SPAG16: variants seen among roughly 807,000 people sequenced by gnomAD.
The protein encoded by SPAG16 is sperm-associated antigen 16 protein.
SPAG16 carries 86 observed loss-of-function variants against 80.4 expected under a neutral mutation model. The ratio of observed to expected loss-of-function variants is 1.07; its 90% confidence interval spans 0.90 to 1.28. The LOEUF (loss-of-function observed/expected upper bound fraction) is 1.28, where lower values mean the gene tolerates loss of function less well. Ranked by LOEUF, SPAG16 falls within the 50% of genes most tolerant of loss-of-function variation. The probability of loss-of-function intolerance (pLI) is 0.00; values close to 1 mark genes in which losing one functional copy is unlikely to be tolerated. For synonymous variants in SPAG16, 294 were observed against 265.9 expected, an observed-to-expected ratio of 1.11 and a Z score of -1.03; for missense variants, 870 against 765.3, an observed-to-expected ratio of 1.14 and a Z score of -1.61.
At chr2:214,081,310 A>T (rs1401500967) in intron 13 of SPAG16, among the ~76,000 whole-genome samples, 1 of 152,118 alleles carries the variant, frequency 6.6e-6, no homozygotes, top group Non-Finnish European at 1.5e-5. Flanking sequence ...CCCCCAAAAG[A>T]TATGTTCAAA....
intron 15 of SPAG16, among the ~76,000 whole-genome samples, chr2:214,330,155 T>C (rs2126010254): frequency 6.7e-6 from 1 of 150,326 alleles, no homozygotes; most frequent in South Asian, 2.1e-4. Context: ...CGGGTGCCTG[T>C]AATTCCAGCT....
chr2:213,707,683 T>G (rs1230880125), intron 10 of SPAG16, among the ~76,000 whole-genome samples: 2 of 151,998 alleles, frequency 1.3e-5, no homozygotes, highest in African/African-American at 4.8e-5. Flanking sequence ...GAATGAATGA[T>G]TCAATAAATG....
At chr2:213,968,800 A>G (rs1245549943) in intron 12 of SPAG16, among the ~76,000 whole-genome samples, 2 of 152,230 alleles carry the variant, frequency 1.3e-5, no homozygotes, top group South Asian at 2.1e-4. Flanking sequence ...CTTGATAAAA[A>G]CATGAAGTAA....
At chr2:213,457,691 A>G (rs1451123325) in intron 9 of SPAG16, among the ~76,000 whole-genome samples, 3 of 152,010 alleles carry the variant, frequency 2.0e-5, no homozygotes, top group African/African-American at 4.8e-5. Flanking sequence ...TGCTTTCACT[A>G]TTTTTAATCT....
At chr2:213,896,395 T>C (rs891846595) in intron 11 of SPAG16, among the ~76,000 whole-genome samples, 1 of 150,178 alleles carries the variant, frequency 6.7e-6, no homozygotes, top group African/African-American at 2.4e-5. Context: ...TGGAGATACC[T>C]AAAAAAAAAT....
Position 213,966,014 on chromosome 2 carries a change from T to G in SPAG16, c.1400+35869T>G, listed in dbSNP as rs371202311. Among the ~76,000 whole-genome samples the G allele has an allele frequency of 3.9e-5, 6 of 152,168 alleles. No individual in the cohort carries two copies. The East Asian group carries it at 9.6e-4, about 24-fold the overall frequency. ...CAGAGTATAGGTTCTGTCCTACAAT[T>G]AAGGTTAGATGGAGAAAGGAAGCCT... On this transcript the variant is annotated intron_variant, in intron 12 of 15. Transcript: ENST00000331683.
chr2:214,345,161 A>C (rs1343215752), intron 15 of SPAG16, among the ~76,000 whole-genome samples: 1 of 152,076 alleles, frequency 6.6e-6, no homozygotes, highest in Non-Finnish European at 1.5e-5. Flanking sequence ...CAGTCTTCCT[A>C]AATGCTTCTA....
chr2:213,758,658 G>T (rs960951163), intron 10 of SPAG16, among the ~76,000 whole-genome samples: 3 of 152,052 alleles, frequency 2.0e-5, no homozygotes, highest in Admixed American at 6.6e-5. Context: ...GAAGGAAAAA[G>T]AATTGAAAAA....
intron 10 of SPAG16, among the ~76,000 whole-genome samples, chr2:213,498,534 C>G (rs1210253574): frequency 6.6e-6 from 1 of 151,982 alleles, no homozygotes; most frequent in Non-Finnish European, 1.5e-5. Context: ...ACATATAAAA[C>G]AATATTGATG....
chr2:214,010,311 T>G (rs1389510838), intron 12 of SPAG16, among the ~76,000 whole-genome samples: 1 of 145,800 alleles, frequency 6.9e-6, no homozygotes, highest in Non-Finnish European at 1.5e-5. Context: ...GAGAAAATAT[T>G]AAACGTAAAG....
At chr2:213,677,297 G>A (rs142896983) in intron 10 of SPAG16, among the ~76,000 whole-genome samples, 7,411 of 152,056 alleles carry the variant, frequency 0.049, 589 homozygotes, top group African/African-American at 0.17. Flanking sequence ...TGGACTAAAT[G>A]CTCCAATTAA....
chr2:213,483,271 T>G (rs1047449640), intron 9 of SPAG16, among the ~76,000 whole-genome samples: 1 of 152,172 alleles, frequency 6.6e-6, no homozygotes, highest in Non-Finnish European at 1.5e-5. Context: ...TATATGTAGA[T>G]CTTAGCAAAT....
intron 15 of SPAG16, among the ~76,000 whole-genome samples, chr2:214,174,820 C>G (rs1029537912): frequency 1.6e-4 from 25 of 151,674 alleles, no homozygotes; most frequent in African/African-American, 6.0e-4. Context: ...TTCTTCATCA[C>G]TTTTGCACGA....
chr2:213,904,635 G>A (rs2077363408), intron 11 of SPAG16, among the ~76,000 whole-genome samples: 1 of 149,168 alleles, frequency 6.7e-6, no homozygotes, highest in South Asian at 2.1e-4. Flanking sequence ...AGTAGGTAAA[G>A]GGCATAGTGT....
intron 15 of SPAG16, among the ~76,000 whole-genome samples, chr2:214,255,874 C>T (rs1217120193): frequency 1.3e-5 from 2 of 151,856 alleles, no homozygotes; most frequent in Admixed American, 6.6e-5. Context: ...TTAATGTGGG[C>T]ATGAGGTGTT....
chr2:214,351,906 A>G (rs537214082), intron 15 of SPAG16, among the ~76,000 whole-genome samples: 5 of 152,294 alleles, frequency 3.3e-5, no homozygotes, highest in Admixed American at 1.3e-4. Context: ...ATAACAAAAT[A>G]CCATACACTG....
chr2:213,874,706 A>C (rs1174840223), intron 11 of SPAG16, among the ~76,000 whole-genome samples: 2 of 152,156 alleles, frequency 1.3e-5, no homozygotes, highest in Non-Finnish European at 2.9e-5. Flanking sequence ...ACCATATCAT[A>C]TATGCAGTCC....
chr2:214,102,697 A>C (rs2053132870), intron 13 of SPAG16, among the ~76,000 whole-genome samples: 1 of 152,162 alleles, frequency 6.6e-6, no homozygotes, highest in Non-Finnish European at 1.5e-5. Context: ...ACCGACGGCA[A>C]ATCCATAGGT....
chr2:213,988,929 A>G (rs1489249803), intron 12 of SPAG16, among the ~76,000 whole-genome samples: 2 of 152,112 alleles, frequency 1.3e-5, no homozygotes, highest in Non-Finnish European at 2.9e-5. Flanking sequence ...TTTTGTAGAG[A>G]TGGACAAATA....
Sources: allele counts gnomAD v4.1 joint callset (sites outside exome capture counted in the v4.1 genomes callset), GRCh38; gene constraint gnomAD v4.1.1; transcripts MANE v1.5; gene names NCBI Gene and HGNC (gene_info 2026-07-23, HGNC 2026-07-21).